The following AGBL4 variants were observed in gnomAD, a reference collection of about 807,000 sequenced individuals.
AGBL4 encodes cytosolic carboxypeptidase 6.
In AGBL4, 58 loss-of-function variants were observed where a neutral mutation model predicts 66.4. That is an observed-to-expected ratio of 0.87 (90% confidence interval 0.71 to 1.09). The LOEUF (loss-of-function observed/expected upper bound fraction) is 1.09, where lower values mean the gene tolerates loss of function less well. Among genes scored for constraint, AGBL4 ranks in the 50% least tolerant of loss-of-function variants. AGBL4 has a pLI of 0.00. For synonymous variants in AGBL4, 234 were observed against 222.9 expected (o/e 1.05, Z -0.44); for missense variants, 579 against 631.0 (o/e 0.92, Z 0.88).
At chr1:49,373,456 A>C (rs1185737054) in intron 3 of AGBL4, among the ~76,000 whole-genome samples, 1 of 152,198 alleles carries the variant, frequency 6.6e-6, no homozygotes. Flanking sequence ...CAGAGGACTC[A>C]CTAATAAAAT....
At chr1:49,942,190 G>A (rs1654825766) in intron 1 of AGBL4, among the ~76,000 whole-genome samples, 2 of 151,884 alleles carry the variant, frequency 1.3e-5, no homozygotes, top group Admixed American at 1.3e-4. Context: ...TAAAACTGAA[G>A]AAGACACAAA....
At chr1:48,900,716 C>T (rs889979791) in intron 5 of AGBL4, among the ~76,000 whole-genome samples, 3 of 152,174 alleles carry the variant, frequency 2.0e-5, no homozygotes, top group Non-Finnish European at 4.4e-5. Flanking sequence ...ATACCTCACA[C>T]CACATATGTA....
chr1:49,402,562 T>G (rs548486434), intron 3 of AGBL4, among the ~76,000 whole-genome samples: 1 of 144,888 alleles, frequency 6.9e-6, no homozygotes, highest in Admixed American at 7.4e-5. Context: ...TTCAATATTT[T>G]GAATGCCTTT....
chr1:49,546,259 G>GTA (rs1171800091), intron 3 of AGBL4, among the ~76,000 whole-genome samples: 1 of 151,168 alleles, frequency 6.6e-6, no homozygotes, highest in African/African-American at 2.4e-5. Flanking sequence ...ATATGTGTGT[G>GTA]TATATATATG....
At chr1:49,886,381 A>G (rs1302217902) in intron 1 of AGBL4, among the ~76,000 whole-genome samples, 1 of 152,158 alleles carries the variant, frequency 6.6e-6, no homozygotes, top group Admixed American at 6.6e-5. Context: ...ACGGAGGAAC[A>G]AAGTATTAAC....
chr1:48,670,398 C>G (rs975160125), intron 6 of AGBL4, among the ~76,000 whole-genome samples: 5 of 152,260 alleles, frequency 3.3e-5, no homozygotes, highest in Non-Finnish European at 7.3e-5. Flanking sequence ...CCTCTCACTA[C>G]ACTGGGCTGC....
chr1:48,722,948 A>C (rs1277333264), intron 6 of AGBL4, among the ~76,000 whole-genome samples: 2 of 152,216 alleles, frequency 1.3e-5, no homozygotes. Context: ...AACTCTTGAC[A>C]TAATCCTGTG....
intron 9 of AGBL4, among the ~76,000 whole-genome samples, chr1:48,592,873 A>C (rs1324922267): frequency 3.9e-5 from 6 of 152,190 alleles, no homozygotes; most frequent in Non-Finnish European, 5.9e-5. Flanking sequence ...GAAAAAAATT[A>C]AATTTAAAAA....
At chr1:48,996,787 A>G (rs1186639821) in intron 5 of AGBL4, among the ~76,000 whole-genome samples, 2 of 138,448 alleles carry the variant, frequency 1.4e-5, no homozygotes. Context: ...CCAGAGGAAA[A>G]TGTGGGGCCA....
chr1:49,449,397 T>G (rs1183895016), intron 3 of AGBL4, among the ~76,000 whole-genome samples: 1 of 152,084 alleles, frequency 6.6e-6, no homozygotes, highest in Non-Finnish European at 1.5e-5. Flanking sequence ...TTGATTGATA[T>G]GAGGTTTTTA....
chr1:49,798,528 C>A (rs1270973574), intron 2 of AGBL4, among the ~76,000 whole-genome samples: 1 of 152,048 alleles, frequency 6.6e-6, no homozygotes, highest in Non-Finnish European at 1.5e-5. Flanking sequence ...CATAAAATGC[C>A]ATTTTTATGA....
chr1:49,896,272 T>A (rs1408577245), intron 1 of AGBL4, among the ~76,000 whole-genome samples: 1 of 152,064 alleles, frequency 6.6e-6, no homozygotes, highest in East Asian at 1.9e-4. Context: ...TAGACCCCAA[T>A]AAAATAATAG....
chr1:49,109,117 C>T (rs773297944), intron 4 of AGBL4, among the ~76,000 whole-genome samples: 1 of 152,190 alleles, frequency 6.6e-6, no homozygotes, highest in Non-Finnish European at 1.5e-5. Flanking sequence ...CAACTGAAAG[C>T]AGAACTGCTC....
intron 3 of AGBL4, among the ~76,000 whole-genome samples, chr1:49,544,536 C>T (rs1392101698): frequency 6.6e-6 from 1 of 152,032 alleles, no homozygotes; most frequent in Non-Finnish European, 1.5e-5. Flanking sequence ...GTGGTAAATC[C>T]AATAAATATT....
chr1:49,974,900 A>G (rs1015194562), intron 1 of AGBL4, among the ~76,000 whole-genome samples: 2 of 152,212 alleles, frequency 1.3e-5, no homozygotes, highest in African/African-American at 4.8e-5. Context: ...AATGAAATTC[A>G]CAAAACCTGG....
intron 3 of AGBL4, among the ~76,000 whole-genome samples, chr1:49,617,073 C>A (rs7528124): frequency 0.014 from 2,068 of 152,272 alleles, 52 homozygotes; most frequent in African/African-American, 0.048. Context: ...TCCATTTCAG[C>A]CATTGTAAGC....
chr1:49,827,332 G>C (rs897811273), intron 2 of AGBL4, among the ~76,000 whole-genome samples: 1 of 151,934 alleles, frequency 6.6e-6, no homozygotes, highest in Admixed American at 6.6e-5. Context: ...AAATTAGATG[G>C]GGTGACAAAG....
Position 48,906,073 on chromosome 1 carries a change from AG to A in AGBL4, c.595-38844del, listed in dbSNP as rs573483995. On this transcript the variant is annotated intron_variant, in intron 5 of 13. Transcript: ENST00000371839. ...CTAAGTGTCACGAAGCAAATCAAAA[AG>A]GGAAGAAAGATATAATGGGTGTTCA... is the stretch of plus-strand genomic sequence containing the variant. 4.2e-4 allele frequency among the ~76,000 whole-genome samples: 64 copies of A among 152,348 alleles called. 1 individual carries two copies. The East Asian group carries it at 0.012, about 28-fold the overall frequency.
chr1:49,482,832 A>G (rs1259726396), intron 3 of AGBL4, among the ~76,000 whole-genome samples: 2 of 152,018 alleles, frequency 1.3e-5, no homozygotes, highest in Admixed American at 1.3e-4. Context: ...CTTTGTTCTC[A>G]TTATTTTCAA....
Sources: gnomAD v4.1 joint callset for allele counts (sites outside exome capture counted in the v4.1 genomes callset) on GRCh38, gnomAD v4.1.1 for gene constraint, MANE v1.5 for transcripts, NCBI Gene and HGNC (gene_info 2026-07-23, HGNC 2026-07-21) for gene names.